SCN8A: variants seen among roughly 807,000 people sequenced by gnomAD.
SCN8A encodes the protein sodium channel protein type 8 subunit alpha.
Under a neutral mutation model 184.1 loss-of-function variants are expected in SCN8A, and 30 were observed. The observed-to-expected ratio is 0.16, with a 90% CI of 0.12 to 0.22. The LOEUF is 0.22. SCN8A is among the 10% of genes least tolerant of loss of function. The pLI is 1.00. For synonymous variants in SCN8A, 852 were observed against 907.0 expected, an observed-to-expected ratio of 0.94 and a Z score of 1.09; for missense variants, 1,057 against 2,498.9, an observed-to-expected ratio of 0.42 and a Z score of 12.30.
At chr12:51,771,307 G>A (rs1234366109) in intron 19 of SCN8A, among the ~76,000 whole-genome samples, 1 of 152,152 alleles carries the variant, frequency 6.6e-6, no homozygotes, top group Non-Finnish European at 1.5e-5. Flanking sequence ...TAGTTTTGAG[G>A]ACTGCCGGGA....
chr12:51,712,484 C>G, intron 11 of SCN8A: 1 of 769,044 alleles, frequency 1.3e-6, no homozygotes, highest in Non-Finnish European at 2.4e-6. Flanking sequence ...GCTACTATAT[C>G]CACCACTTCC....
intron 2 of SCN8A, among the ~76,000 whole-genome samples, chr12:51,671,939 A>C (rs1941138739): frequency 6.6e-6 from 1 of 152,208 alleles, no homozygotes; most frequent in African/African-American, 2.4e-5. Context: ...AGTTGGAATA[A>C]AAGATTCTGC....
chr12:51,713,433 C>G (rs1314295760), intron 11 of SCN8A: 11 of 798,384 alleles, frequency 1.4e-5, no homozygotes, highest in Admixed American at 5.1e-5. Flanking sequence ...TGAGTGTGCC[C>G]CATTTCTCAA....
chr12:51,753,821 A>G (rs917162126), intron 14 of SCN8A, among the ~76,000 whole-genome samples: 8 of 152,198 alleles, frequency 5.3e-5, no homozygotes, highest in South Asian at 2.1e-4. Flanking sequence ...GTATAATTCA[A>G]TAGGAGAATT....
At chr12:51,697,403 G>T (rs978608514) in intron 6 of SCN8A, among the ~76,000 whole-genome samples, 2 of 152,162 alleles carry the variant, frequency 1.3e-5, no homozygotes, top group African/African-American at 4.8e-5. Flanking sequence ...GTATTAAGTG[G>T]CTGCCTTTGT....
At chr12:51,611,191 ATT>A (rs577822511) in intron 1 of SCN8A, among the ~76,000 whole-genome samples, 17 of 141,108 alleles carry the variant, frequency 1.2e-4, no homozygotes, top group Admixed American at 1.4e-4. Flanking sequence ...ATACCTAAGT[ATT>A]TTTTTTTTTT....
At chr12:51,691,269 CACTA>C (rs1941502639) in intron 6 of SCN8A, among the ~76,000 whole-genome samples, 4 of 152,142 alleles carry the variant, frequency 2.6e-5, no homozygotes, top group Admixed American at 2.6e-4. Flanking sequence ...GTATTCTATT[CACTA>C]ACTAGGGCAG....
intron 21 of SCN8A, 121 bp downstream of exon 21, chr12:51,780,892 T>G: frequency 8.2e-7 from 1 of 1,224,504 alleles, no homozygotes; most frequent in Non-Finnish European, 1.0e-6. Context: ...GCTGCTGATT[T>G]GATCCTCCAC....
At chr12:51,707,801 A>G (rs1398949416) in intron 11 of SCN8A, among the ~76,000 whole-genome samples, 1 of 152,220 alleles carries the variant, frequency 6.6e-6, no homozygotes. Flanking sequence ...CACAACAGGT[A>G]AACTCTTTGC....
chr12:51,772,536 T>C (rs1208918509), intron 19 of SCN8A, among the ~76,000 whole-genome samples: 1 of 151,744 alleles, frequency 6.6e-6, no homozygotes, highest in African/African-American at 2.4e-5. Context: ...TCACATACCT[T>C]GGATTATAGA....
intron 13 of SCN8A, among the ~76,000 whole-genome samples, chr12:51,747,910 G>A (rs951922591): frequency 1.3e-5 from 2 of 151,694 alleles, no homozygotes; most frequent in African/African-American, 4.8e-5. Flanking sequence ...AGAGACAGAT[G>A]TAGTTGTGTT....
chr12:51,636,979 C>T (rs1452088031), intron 1 of SCN8A, among the ~76,000 whole-genome samples: 5 of 152,088 alleles, frequency 3.3e-5, no homozygotes, highest in African/African-American at 9.7e-5. Flanking sequence ...GCAAGTCTGT[C>T]GGGACCATTT....
At chr12:51,643,819 A>G (rs932987554) in intron 1 of SCN8A, among the ~76,000 whole-genome samples, 4 of 152,348 alleles carry the variant, frequency 2.6e-5, no homozygotes, top group East Asian at 1.9e-4. Context: ...ACAGAAATCT[A>G]TTTTCCAACA....
intron 2 of SCN8A, among the ~76,000 whole-genome samples, chr12:51,664,874 C>G (rs1035466318): frequency 6.6e-6 from 1 of 152,074 alleles, no homozygotes; most frequent in Non-Finnish European, 1.5e-5. Context: ...CTGATGCTCT[C>G]CCTCCCCCCA....
At chr12:51,645,676 CATGT>C (rs1189626705) in intron 1 of SCN8A, among the ~76,000 whole-genome samples, 7 of 151,874 alleles carry the variant, frequency 4.6e-5, no homozygotes, top group African/African-American at 1.7e-4. Context: ...CTCTCTGAAA[CATGT>C]GCTGTATCCA....
intron 20 of SCN8A, among the ~76,000 whole-genome samples, chr12:51,776,616 A>G (rs1937705958): frequency 6.6e-6 from 1 of 152,250 alleles, no homozygotes; most frequent in Non-Finnish European, 1.5e-5. Flanking sequence ...GTGGGGGGAC[A>G]TTCCCAGGCC....
chr12:51,602,661 G>A (rs1252249039), intron 1 of SCN8A, among the ~76,000 whole-genome samples: 1 of 152,110 alleles, frequency 6.6e-6, no homozygotes, highest in African/African-American at 2.4e-5. Context: ...ACAAAAAATA[G>A]AGTATGGATG....
chr12:51,731,256 T>C (rs1942237130), intron 12 of SCN8A, among the ~76,000 whole-genome samples: 1 of 152,086 alleles, frequency 6.6e-6, no homozygotes, highest in Non-Finnish European at 1.5e-5. Context: ...CTTTTTTTTT[T>C]TGAGACAATC....
intron 2 of SCN8A, among the ~76,000 whole-genome samples, chr12:51,669,563 G>C (rs1249500057): frequency 6.6e-6 from 1 of 152,034 alleles, no homozygotes; most frequent in Non-Finnish European, 1.5e-5. Flanking sequence ...ACCCACACAG[G>C]CCCAGCCCAG....
Sources: allele counts gnomAD v4.1 joint callset (sites outside exome capture counted in the v4.1 genomes callset), GRCh38; gene constraint gnomAD v4.1.1; transcripts MANE v1.5; gene names NCBI Gene and HGNC (gene_info 2026-07-23, HGNC 2026-07-21).